EPHB1: variants seen among roughly 807,000 people sequenced by gnomAD.
EPHB1 encodes ephrin type-B receptor 1.
A neutral mutation model predicts 94.4 loss-of-function variants in EPHB1; 30 were observed. The observed-to-expected ratio is 0.32, with a 90% CI of 0.24 to 0.43. The LOEUF is 0.43. EPHB1 is among the 20% of genes least tolerant of loss of function. The probability of loss-of-function intolerance (pLI) is 1.00; values close to 1 mark genes in which losing one functional copy is unlikely to be tolerated. For missense variants in EPHB1, 1,055 were observed against 1,308.3 expected (o/e 0.81, Z 2.99); for synonymous variants, 522 against 489.1 (o/e 1.07, Z -0.89).
rs373908373 is a variant in EPHB1 at position 135,066,618 on chromosome 3, A to G, written c.806-39830A>G. Among the ~76,000 whole-genome samples the G allele has an allele frequency of 2.9e-4, 44 of 151,488 alleles. No homozygotes were observed. The East Asian group carries it at 7.2e-3, about 25-fold the overall frequency. On this transcript the variant is annotated intron_variant, in intron 3 of 15. Coordinates refer to ENST00000398015, the MANE Select transcript of EPHB1 (RefSeq NM_004441.5). ...CTTCACTTCTTGTATCATTTTTTGG[A>G]TTTCCTTGCACTGGGCCTCGCCTTT...
rs765192484 is a variant in EPHB1 at position 135,106,529 on chromosome 3, A to G, written c.887A>G (p.Glu296Gly). 8.7e-6 allele frequency: 14 copies of G among 1,613,926 alleles called. No homozygotes were observed. The highest frequency in any genetic ancestry group is 2.7e-5 in the African/African-American group (2 of 74,934). Residue 296 changes from glutamate to glycine, a missense_variant, in exon 4 of 16, where the codon GAG becomes GGG. Coordinates refer to ENST00000398015, the MANE Select transcript of EPHB1 (RefSeq NM_004441.5). Reference sequence around the variant, plus strand: ...CCCTCCAACAGCCGCTCCCCTGCAGAGGCGTCTCCCATCTGCACCTGTCGG... The same window carrying G: ...CCCTCCAACAGCCGCTCCCCTGCAGGGGCGTCTCCCATCTGCACCTGTCGG... ...HCPSNSRSPA[E>G]ASPICTCRTG...
At chr3:135,235,730 G>A (rs574058658) in intron 12 of EPHB1, among the ~76,000 whole-genome samples, 1 of 152,194 alleles carries the variant, frequency 6.6e-6, no homozygotes, top group Non-Finnish European at 1.5e-5. Flanking sequence ...GTGTTGTTGT[G>A]CATTTACCTA....
In EPHB1 at chr3:135,132,864, C is replaced by A. The variant is rs1164993873; in HGVS notation, c.1112C>A (p.Ser371Tyr). Residue 371 changes from serine (S) to tyrosine (Y), a missense_variant, in exon 5 of 16, where the codon TCC becomes TAC. By Grantham distance (144) the Ser-to-Tyr change is moderately radical. Coordinates refer to ENST00000398015, the MANE Select transcript of EPHB1 (RefSeq NM_004441.5). ...KKCRADRRSC[S>Y]RCDDNVEFVP... is the part of the protein sequence containing the mutation. ...TGCCGGGCAGACCGCCGGAGCTGCT[C>A]CCGCTGTGACGACAATGTGGAGTTT... 2 of 1,613,938 alleles carry A rather than the reference C, an allele frequency of 1.2e-6. No individual in the cohort carries two copies. The highest frequency in any genetic ancestry group is 1.7e-6 in the Non-Finnish European group (2 of 1,179,914).
chr3:135,019,365 G>T (rs1448711303), intron 3 of EPHB1, among the ~76,000 whole-genome samples: 1 of 152,196 alleles, frequency 6.6e-6, no homozygotes, highest in Non-Finnish European at 1.5e-5. Flanking sequence ...GGCCAAAGGG[G>T]AGTCATGTGT....
intron 3 of EPHB1, among the ~76,000 whole-genome samples, chr3:135,102,977 G>A (rs1349800628): frequency 2.6e-5 from 4 of 152,092 alleles, no homozygotes; most frequent in Admixed American, 6.6e-5. Context: ...GGCCTGTTGG[G>A]GGGTGGGGGC....
chr3:135,050,727 T>C (rs1937144654), intron 3 of EPHB1, among the ~76,000 whole-genome samples: 1 of 152,158 alleles, frequency 6.6e-6, no homozygotes, highest in African/African-American at 2.4e-5. Context: ...AGGTGAGCTC[T>C]GGTTGTTTAA....
chr3:134,998,519 C>G (rs1935070873), intron 3 of EPHB1, among the ~76,000 whole-genome samples: 1 of 152,120 alleles, frequency 6.6e-6, no homozygotes, highest in African/African-American at 2.4e-5. Context: ...TTTTCTCAAA[C>G]CATCTCTGAT....
At chr3:134,851,223 A>G (rs1435550772) in intron 1 of EPHB1, among the ~76,000 whole-genome samples, 1 of 152,234 alleles carries the variant, frequency 6.6e-6, no homozygotes, top group African/African-American at 2.4e-5. Flanking sequence ...ACACCTGCCT[A>G]CTTTATGCTA....
intron 3 of EPHB1, among the ~76,000 whole-genome samples, chr3:135,061,315 A>G (rs1264955673): frequency 1.3e-5 from 2 of 151,338 alleles, no homozygotes; most frequent in Admixed American, 6.6e-5. Flanking sequence ...AGTCCGTTGT[A>G]TCATTCTTAT....
chr3:134,934,797 T>G (rs1013372445), intron 2 of EPHB1, among the ~76,000 whole-genome samples: 3 of 152,208 alleles, frequency 2.0e-5, no homozygotes, highest in Non-Finnish European at 4.4e-5. Context: ...AGATCCTTAC[T>G]GTCTGGCATA....
At chr3:135,237,303 CACACACACAGACAG>C (rs1271141973) in intron 12 of EPHB1, among the ~76,000 whole-genome samples, 2 of 151,858 alleles carry the variant, frequency 1.3e-5, no homozygotes, top group African/African-American at 2.4e-5. Flanking sequence ...CACACACACA[CACACACACAGACAG>C]ACACAAAATC....
At chr3:135,147,894 T>C (rs1367013476) in intron 5 of EPHB1, among the ~76,000 whole-genome samples, 1 of 152,176 alleles carries the variant, frequency 6.6e-6, no homozygotes, top group Non-Finnish European at 1.5e-5. Flanking sequence ...CACAACACTG[T>C]TTTCCCTTTT....
chr3:134,878,738 C>G (rs1306749633), intron 1 of EPHB1, among the ~76,000 whole-genome samples: 1 of 152,168 alleles, frequency 6.6e-6, no homozygotes, highest in African/African-American at 2.4e-5. Flanking sequence ...CACCAACCAC[C>G]CTGATGAATT....
intron 1 of EPHB1, among the ~76,000 whole-genome samples, chr3:134,859,632 C>A (rs750043332): frequency 3.9e-5 from 6 of 152,156 alleles, no homozygotes; most frequent in Admixed American, 3.3e-4. Context: ...GCTTCAAGAC[C>A]CTGGCTTCTG....
chr3:134,959,573 A>G (rs1192625662), intron 3 of EPHB1, among the ~76,000 whole-genome samples: 1 of 152,116 alleles, frequency 6.6e-6, no homozygotes, highest in Non-Finnish European at 1.5e-5. Context: ...ACATTTCTGC[A>G]CTGTCCCTCT....
At chr3:135,252,366 TC>T (rs1161959193) in intron 15 of EPHB1, among the ~76,000 whole-genome samples, 1 of 57,628 alleles carries the variant, frequency 1.7e-5, no homozygotes, top group Non-Finnish European at 3.1e-5. Context: ...CCCTCCCCCC[TC>T]CCCCCACCCC....
chr3:135,085,974 G>A (rs1334241383), intron 3 of EPHB1, among the ~76,000 whole-genome samples: 1 of 152,190 alleles, frequency 6.6e-6, no homozygotes, highest in African/African-American at 2.4e-5. Flanking sequence ...ATTAAGAGCT[G>A]AGGGGAGGCC....
At position 135,027,485 on chromosome 3, in the gene EPHB1, G is replaced by C. The variant is rs1373429435; in HGVS notation, c.805+75433G>C. Among the ~76,000 whole-genome samples, 46 of 148,756 alleles carry C rather than the reference G, an allele frequency of 3.1e-4. 1 individual carries two copies. Among genetic ancestry groups the C allele is most frequent in the Admixed American group, 6.0e-4 (9 of 14,908 alleles). The stretch of plus-strand genomic sequence containing the variant: ...CTATTGAGATAATCATGTGGTTTTT[G>C]TCTTTGGCTCTGTTTATATGCTGGA... On this transcript the variant is annotated intron_variant, in intron 3 of 15. Coordinates refer to ENST00000398015, the MANE Select transcript of EPHB1 (RefSeq NM_004441.5).
At chr3:135,162,319 C>A in intron 7 of EPHB1, 139 bp downstream of exon 7, 1 of 981,634 alleles carries the variant, frequency 1.0e-6, no homozygotes, top group East Asian at 2.9e-5. Context: ...GGTTTGCCTC[C>A]CAGTAGGGCC....
Sources: allele counts gnomAD v4.1 joint callset (sites outside exome capture counted in the v4.1 genomes callset), GRCh38; gene constraint gnomAD v4.1.1; transcripts MANE v1.5; gene names NCBI Gene and HGNC (gene_info 2026-07-23, HGNC 2026-07-21).